CSMD1: variants seen among roughly 807,000 people sequenced by gnomAD.
The protein encoded by CSMD1 is CUB and Sushi multiple domains 1, also known as CUB and sushi domain-containing protein 1.
Under a neutral mutation model 417.5 loss-of-function variants are expected in CSMD1, and 213 were observed. That is an observed-to-expected ratio of 0.51 (90% CI 0.46 to 0.57). The LOEUF is 0.57. CSMD1 is among the 20% of genes least tolerant of loss of function. The probability of loss-of-function intolerance (pLI) is 0.00; values close to 1 mark genes in which losing one functional copy is unlikely to be tolerated. For synonymous variants in CSMD1, 2,862 were observed against 1,736.8 expected (o/e 1.65, Z -16.11); for missense variants, 6,923 against 4,529.7 (o/e 1.53, Z -15.17).
At chr8:4,388,074 T>C (rs557885832) in intron 3 of CSMD1, among the ~76,000 whole-genome samples, 2 of 152,184 alleles carry the variant, frequency 1.3e-5, no homozygotes, top group African/African-American at 4.8e-5. Context: ...TTTGGACTAA[T>C]GTCAGAAGTA....
intron 54 of CSMD1, among the ~76,000 whole-genome samples, chr8:2,992,763 G>C (rs1212091790): frequency 6.6e-6 from 1 of 151,834 alleles, no homozygotes; most frequent in Non-Finnish European, 1.5e-5. Flanking sequence ...TTTCTTTTGA[G>C]ATGGGGTCTT....
intron 11 of CSMD1, among the ~76,000 whole-genome samples, chr8:3,486,904 A>T (rs1041595240): frequency 2.0e-5 from 3 of 152,166 alleles, no homozygotes; most frequent in African/African-American, 7.2e-5. Flanking sequence ...GTCCAGAGAG[A>T]TCTGGCAATG....
At chr8:4,925,321 C>G (rs1310242218) in intron 1 of CSMD1, among the ~76,000 whole-genome samples, 1 of 128,842 alleles carries the variant, frequency 7.8e-6, no homozygotes, top group Non-Finnish European at 1.6e-5. Flanking sequence ...AGTAGGTGGT[C>G]TTTGACGGGG....
At chr8:3,183,847 T>C (rs1033459072) in intron 36 of CSMD1, among the ~76,000 whole-genome samples, 3 of 152,222 alleles carry the variant, frequency 2.0e-5, no homozygotes, top group Non-Finnish European at 4.4e-5. Context: ...ACTTAATTCA[T>C]ATTATTTTCA....
At chr8:4,304,426 T>C (rs776378080) in intron 3 of CSMD1, among the ~76,000 whole-genome samples, 5 of 152,114 alleles carry the variant, frequency 3.3e-5, no homozygotes, top group Non-Finnish European at 7.4e-5. Flanking sequence ...AGAAGGTGAA[T>C]TTAAGTTCCA....
intron 5 of CSMD1, among the ~76,000 whole-genome samples, chr8:3,938,863 C>T (rs1175428400): frequency 6.6e-6 from 1 of 152,134 alleles, no homozygotes; most frequent in Non-Finnish European, 1.5e-5. Context: ...TTTCAGAAGG[C>T]AAGTGAATCA....
chr8:3,165,709 G>C (rs1389258034), intron 37 of CSMD1, among the ~76,000 whole-genome samples: 1 of 152,034 alleles, frequency 6.6e-6, no homozygotes, highest in East Asian at 1.9e-4. Flanking sequence ...CTGGGAGAAC[G>C]GTGGTTTTTT....
chr8:3,271,182 G>C lies in CSMD1; in HGVS notation c.4153+12962C>G, dbSNP rs569870365. 3.6e-4 allele frequency among the ~76,000 whole-genome samples: 54 copies of C among 149,574 alleles called. 1 individual carries two copies. The highest frequency in any genetic ancestry group is 1.3e-3 in the African/African-American group (53 of 40,574). On this transcript the variant is annotated intron_variant, in intron 26 of 69. Transcript: ENST00000635120. ...CTTTGAGTGAGAATATGCGGTGTTT[G>C]GTTTTTTGTTCTTGCGATAGTTTAC...
chr8:4,625,725 G>C (rs1219685514), intron 2 of CSMD1, among the ~76,000 whole-genome samples: 6 of 152,030 alleles, frequency 3.9e-5, no homozygotes, highest in Non-Finnish European at 8.8e-5. Flanking sequence ...AGACAGGCTT[G>C]GTGTATATAT....
chr8:3,870,550 G>A (rs1187872710), intron 5 of CSMD1, among the ~76,000 whole-genome samples: 1 of 152,068 alleles, frequency 6.6e-6, no homozygotes, highest in Non-Finnish European at 1.5e-5. Flanking sequence ...CTCCAGAAAT[G>A]TCCAGCCATT....
chr8:3,358,382 G>C (rs1288656035), intron 21 of CSMD1, among the ~76,000 whole-genome samples: 2 of 152,310 alleles, frequency 1.3e-5, no homozygotes, highest in East Asian at 1.9e-4. Context: ...GCAGGAACTA[G>C]ACGTTGTCCG....
At chr8:3,292,770 C>A (rs977724413) in intron 25 of CSMD1, among the ~76,000 whole-genome samples, 1 of 152,110 alleles carries the variant, frequency 6.6e-6, no homozygotes, top group Non-Finnish European at 1.5e-5. Context: ...TGGGTCTTGA[C>A]TTTTTATGCA....
intron 5 of CSMD1, among the ~76,000 whole-genome samples, chr8:3,903,116 C>T (rs529579589): frequency 1.3e-5 from 2 of 152,236 alleles, no homozygotes; most frequent in Non-Finnish European, 2.9e-5. Context: ...AGGTGGAGAC[C>T]TTCTTACTGG....
intron 1 of CSMD1, among the ~76,000 whole-genome samples, chr8:4,965,088 G>C (rs548829874): frequency 1.3e-5 from 2 of 152,242 alleles, no homozygotes; most frequent in South Asian, 4.1e-4. Context: ...CTCTATTGTA[G>C]GCAAATAGCT....
At chr8:4,151,246 G>T (rs187332354) in intron 3 of CSMD1, among the ~76,000 whole-genome samples, 1 of 152,056 alleles carries the variant, frequency 6.6e-6, no homozygotes, top group Non-Finnish European at 1.5e-5. Context: ...AGTTTACTTG[G>T]AAAGCTAAAA....
intron 46 of CSMD1, among the ~76,000 whole-genome samples, chr8:3,098,563 A>T (rs141968910): frequency 8.1e-4 from 124 of 152,350 alleles, no homozygotes; most frequent in African/African-American, 2.8e-3. Context: ...AATGGCAATA[A>T]TATAAACTAA....
rs1345010447 is a variant in CSMD1 at position 3,808,811 on chromosome 8, T to G, written c.819-54769A>C. ...GAATTGGAAAATTTCAAGGGGCATT[T>G]GGCAGTAGAGCAAGGCTATTTATTT... On this transcript the variant is annotated intron_variant, in intron 5 of 69. Transcript: ENST00000635120. Among the ~76,000 whole-genome samples the G allele has an allele frequency of 3.3e-5, 5 of 152,320 alleles. No homozygotes were observed. The East Asian group carries it at 9.6e-4, about 29-fold the overall frequency.
At chr8:4,380,494 C>A (rs1048450693) in intron 3 of CSMD1, among the ~76,000 whole-genome samples, 1 of 152,170 alleles carries the variant, frequency 6.6e-6, no homozygotes, top group East Asian at 1.9e-4. Flanking sequence ...CAAGGAAAAC[C>A]TGAGAAACCG....
intron 5 of CSMD1, among the ~76,000 whole-genome samples, chr8:3,968,993 G>C (rs1051837905): frequency 1.3e-5 from 2 of 152,182 alleles, no homozygotes; most frequent in Admixed American, 1.3e-4. Flanking sequence ...GCTCATACCT[G>C]TACTATCAGC....
Sources: allele counts gnomAD v4.1 joint callset (sites outside exome capture counted in the v4.1 genomes callset), GRCh38; gene constraint gnomAD v4.1.1; transcripts MANE v1.5; gene names NCBI Gene and HGNC (gene_info 2026-07-23, HGNC 2026-07-21).